The following CCDC171 variants were observed in gnomAD, a reference collection of about 807,000 sequenced individuals.
CCDC171 encodes the protein coiled-coil domain-containing protein 171.
CCDC171 carries 177 observed loss-of-function variants against 168.2 expected under a neutral mutation model. The ratio of observed to expected loss-of-function variants is 1.05; its 90% CI spans 0.93 to 1.19. The LOEUF (loss-of-function observed/expected upper bound fraction) is 1.19. CCDC171 is among the 50% of genes most tolerant of loss of function. CCDC171 has a pLI of 0.00. For missense variants in CCDC171, 1,991 were observed against 1,539.0 expected, an observed-to-expected ratio of 1.29 and a Z score of -4.91; for synonymous variants, 687 against 540.8, an observed-to-expected ratio of 1.27 and a Z score of -3.75.
At chr9:15,576,153 G>T (rs902381983) in intron 3 of CCDC171, among the ~76,000 whole-genome samples, 20 of 151,310 alleles carry the variant, frequency 1.3e-4, no homozygotes, top group African/African-American at 4.9e-4. Flanking sequence ...GTGTGTGTGT[G>T]TGTGTGTATA....
chr9:15,584,392 C>T (rs2041388448), intron 4 of CCDC171, among the ~76,000 whole-genome samples: 1 of 152,094 alleles, frequency 6.6e-6, no homozygotes, highest in Non-Finnish European at 1.5e-5. Flanking sequence ...TGGGAGCCTC[C>T]AGATATGAAG....
At chr9:15,653,934 C>T (rs1440847865) in intron 7 of CCDC171, among the ~76,000 whole-genome samples, 1 of 152,122 alleles carries the variant, frequency 6.6e-6, no homozygotes, top group Admixed American at 6.5e-5. Flanking sequence ...AAATTCTAAT[C>T]ATTATCACAC....
chr9:15,909,454 G>C (rs1823285193), intron 24 of CCDC171, among the ~76,000 whole-genome samples: 1 of 152,004 alleles, frequency 6.6e-6, no homozygotes, highest in South Asian at 2.1e-4. Flanking sequence ...AAAGCGAGAA[G>C]GTGGTTGGCA....
At chr9:15,579,121 A>C in intron 4 of CCDC171, 98 bp downstream of exon 4, 4 of 926,562 alleles carry the variant, frequency 4.3e-6, no homozygotes, top group Non-Finnish European at 6.3e-6. Flanking sequence ...GTCAGAGGTA[A>C]GATTCTGATT....
intron 8 of CCDC171, among the ~76,000 whole-genome samples, chr9:15,659,640 A>G (rs1420043774): frequency 3.3e-5 from 5 of 152,202 alleles, no homozygotes; most frequent in Non-Finnish European, 7.4e-5. Flanking sequence ...AAATATATGC[A>G]CTTATTTCCA....
At chr9:15,586,983 A>G (rs1289078012) in intron 4 of CCDC171, among the ~76,000 whole-genome samples, 1 of 152,008 alleles carries the variant, frequency 6.6e-6, no homozygotes, top group East Asian at 1.9e-4. Context: ...AATTAAAAAA[A>G]ATTTTTTTTT....
At chr9:16,078,479 G>A in the CCDC171 span, among the ~76,000 whole-genome samples, 1 of 152,200 alleles carries the variant, frequency 6.6e-6, no homozygotes, top group Non-Finnish European at 1.5e-5. Context: ...TATGGACATG[G>A]CTTGGTTAAG....
intron 6 of CCDC171, among the ~76,000 whole-genome samples, chr9:15,609,808 G>T (rs567983198): frequency 1.2e-4 from 19 of 152,190 alleles, no homozygotes; most frequent in African/African-American, 4.6e-4. Flanking sequence ...TGAGGGAGGG[G>T]TTATTCTTGG....
chr9:15,710,725 A>G (rs1184374607), intron 11 of CCDC171, among the ~76,000 whole-genome samples: 32 of 152,054 alleles, frequency 2.1e-4, no homozygotes, highest in Non-Finnish European at 1.5e-5. Flanking sequence ...CCTCCCGCGT[A>G]CCTGAGACTA....
intron 4 of CCDC171, among the ~76,000 whole-genome samples, chr9:15,589,056 T>C (rs2041802926): frequency 3.3e-5 from 5 of 152,162 alleles, no homozygotes; most frequent in Admixed American, 2.0e-4. Flanking sequence ...AAAACGTCGT[T>C]GTTTTTTGAG....
intron 1 of CCDC171, among the ~76,000 whole-genome samples, chr9:15,558,139 C>A (rs548678332): frequency 1.3e-5 from 2 of 151,406 alleles, no homozygotes; most frequent in African/African-American, 4.9e-5. Flanking sequence ...ATTTGGTTTG[C>A]CAGTATTTTA....
intron 6 of CCDC171, among the ~76,000 whole-genome samples, chr9:15,621,607 A>G (rs935386727): frequency 3.9e-5 from 6 of 152,348 alleles, no homozygotes; most frequent in Non-Finnish European, 7.4e-5. Flanking sequence ...CAGAATGGCT[A>G]TTATTAAAAA....
intron 4 of CCDC171, among the ~76,000 whole-genome samples, chr9:15,584,050 G>A (rs1034291146): frequency 3.3e-5 from 5 of 152,044 alleles, no homozygotes; most frequent in African/African-American, 1.2e-4. Context: ...TGTATTTTTA[G>A]TAGAGACGGG....
chr9:15,641,112 A>C (rs1479820263), intron 7 of CCDC171, among the ~76,000 whole-genome samples: 4 of 152,168 alleles, frequency 2.6e-5, no homozygotes, highest in African/African-American at 9.6e-5. Flanking sequence ...TACTATATTT[A>C]TTACTTATGA....
At chr9:15,647,266 A>G (rs1298252929) in intron 7 of CCDC171, among the ~76,000 whole-genome samples, 1 of 152,216 alleles carries the variant, frequency 6.6e-6, no homozygotes, top group Non-Finnish European at 1.5e-5. Flanking sequence ...GTAGAGGGAA[A>G]TATATAGCAC....
the CCDC171 span, among the ~76,000 whole-genome samples, chr9:16,082,552 T>A: frequency 6.6e-6 from 1 of 152,240 alleles, no homozygotes; most frequent in South Asian, 2.1e-4. Context: ...AAAGAAGGGC[T>A]AATTCTTGTA....
intron 25 of CCDC171, among the ~76,000 whole-genome samples, chr9:15,949,810 C>G (rs1281155910): frequency 6.6e-6 from 1 of 152,088 alleles, no homozygotes; most frequent in Admixed American, 6.6e-5. Flanking sequence ...CTTCTCCTGC[C>G]TAATTGCCCT....
intron 3 of CCDC171, among the ~76,000 whole-genome samples, chr9:15,996,417 CTTTTTTTTTTTTTT>C (rs34798326): frequency 1.5e-5 from 1 of 64,596 alleles, no homozygotes; most frequent in Non-Finnish European, 2.9e-5. Flanking sequence ...CTAGGAGGCT[CTTTTTTTTTTTTTT>C]TTTTTTTTTT....
At chr9:15,736,139 A>G (rs1010700140) in intron 16 of CCDC171, among the ~76,000 whole-genome samples, 5 of 152,180 alleles carry the variant, frequency 3.3e-5, no homozygotes, top group Non-Finnish European at 7.3e-5. Flanking sequence ...AAACATAACC[A>G]TATGTGAAAT....
Sources: gnomAD v4.1 joint callset for allele counts (sites outside exome capture counted in the v4.1 genomes callset) on GRCh38, gnomAD v4.1.1 for gene constraint, MANE v1.5 for transcripts, NCBI Gene and HGNC (gene_info 2026-07-23, HGNC 2026-07-21) for gene names.